Variants in NPFFR1 observed in about 807,000 individuals in gnomAD.
The protein encoded by NPFFR1 is G-protein coupled receptor 147.
A neutral mutation model predicts 12.7 loss-of-function variants in NPFFR1; 17 were observed. The observed-to-expected ratio is 1.34, with a 90% CI of 0.92 to 2.01. The LOEUF is 2.01. Among genes scored for constraint, NPFFR1 ranks in the 30% most tolerant of loss-of-function variants. The pLI is 0.00. For synonymous variants in NPFFR1, 296 were observed against 264.5 expected (o/e 1.12, Z -1.16); for missense variants, 604 against 606.5 (o/e 1.00, Z 0.04).
Position 70,260,639 on chromosome 10 carries a change from C to A in NPFFR1, c.422+1G>T, listed in dbSNP as rs764987613. 6.2e-7 allele frequency: 1 copy of A among 1,606,840 alleles called. No homozygotes were observed. Among genetic ancestry groups the A allele is most frequent in the Admixed American group, 1.7e-5 (1 of 58,860 alleles). On this transcript the variant is annotated splice_donor_variant, in intron 3 of 3. Transcript: ENST00000277942. LOFTEE classifies it high-confidence loss of function. ...CATAATCCAGCCAGGAAACCTCTCA[C>A]CTTTCCACAGCAATGGCCACCAGTG...
intron 1 of NPFFR1, 130 bp from the exon 2 acceptor site, chr10:70,266,521 C>T: frequency 1.4e-6 from 1 of 718,460 alleles, no homozygotes; most frequent in Non-Finnish European, 2.3e-6. Flanking sequence ...TCCCCAGCTC[C>T]AGTTGCAACT....
At chr10:70,268,101 AC>A (rs1237419339) in intron 1 of NPFFR1, among the ~76,000 whole-genome samples, 1 of 151,942 alleles carries the variant, frequency 6.6e-6, no homozygotes, top group African/African-American at 2.4e-5. Context: ...CATATAAAGA[AC>A]CCCCATGTAT....
chr10:70,273,647 C>G (rs1327907234), intron 1 of NPFFR1, among the ~76,000 whole-genome samples: 1 of 152,112 alleles, frequency 6.6e-6, no homozygotes, highest in Admixed American at 6.5e-5. Flanking sequence ...TTTGAGGGAC[C>G]GTCCATCAGG....
At chr10:70,280,730 G>C (rs10999237) in intron 1 of NPFFR1, among the ~76,000 whole-genome samples, 48,815 of 152,050 alleles carry the variant, frequency 0.32, 8,635 homozygotes, top group South Asian at 0.47. Flanking sequence ...TAGGCTGGGC[G>C]TAGTGGCTCA....
Position 70,283,810 on chromosome 10 carries a change from G to T in NPFFR1, c.-134C>A. The T allele has an allele frequency of 7.1e-6, 7 of 987,156 alleles. No individual in the cohort carries two copies. Among genetic ancestry groups the T allele is most frequent in the Non-Finnish European group, 1.1e-5 (7 of 664,498 alleles). 61.1% of individuals were successfully genotyped at this position (987,156 alleles called of 1,614,324 possible). On this transcript the variant is annotated 5_prime_UTR_variant, in exon 1 of 4. Coordinates refer to ENST00000277942, the MANE Select transcript of NPFFR1 (RefSeq NM_022146.5). ...CCCTGCCTCCGCGCTCCGCAGGTCC[G>T]GTCGGTCCGGGCAGAGGTGAGCAGG...
intron 2 of NPFFR1, among the ~76,000 whole-genome samples, chr10:70,262,714 A>G (rs1222760348): frequency 6.6e-6 from 1 of 152,248 alleles, no homozygotes; most frequent in Non-Finnish European, 1.5e-5. Context: ...GTCTGAACTC[A>G]TGTTAATACA....
chr10:70,270,452 C>T lies in NPFFR1; in HGVS notation c.8-4061G>A, dbSNP rs118067435. Among the ~76,000 whole-genome samples, 9 of 152,318 alleles carry T rather than the reference C, an allele frequency of 5.9e-5. No homozygotes were observed. The East Asian group carries it at 1.7e-3, about 29-fold the overall frequency. ...GGTATGGATGGGCAGAGGAAACTGC[C>T]AGAACCTTTCAGGCTAGACTCCAGT... On this transcript the variant is annotated intron_variant, in intron 1 of 3. Transcript: ENST00000277942.
rs565020614 is a variant in NPFFR1, at chr10:70,253,130, C to T, written c.*1827G>A. On this transcript the variant is annotated 3_prime_UTR_variant, in exon 4 of 4. Coordinates refer to ENST00000277942, the MANE Select transcript of NPFFR1 (RefSeq NM_022146.5). Reference sequence around the variant, plus strand: ...TACCACTGAGGGGCAGGAGGGCATACTCTCTCTCAGACCCTCATCCATCAC... The same window carrying T: ...TACCACTGAGGGGCAGGAGGGCATATTCTCTCTCAGACCCTCATCCATCAC... The T allele has an allele frequency of 1.3e-5, 2 of 152,424 alleles. No homozygotes were observed. Among genetic ancestry groups the T allele is most frequent in the Admixed American group, 6.5e-5 (1 of 15,298 alleles). 9.4% of individuals were successfully genotyped at this position (152,424 alleles called of 1,614,324 possible). A position where few individuals can be genotyped will look rare whatever the true frequency, so the allele number is the denominator to read the frequency against.
chr10:70,272,792 A>C (rs1157291266), intron 1 of NPFFR1, among the ~76,000 whole-genome samples: 1 of 152,210 alleles, frequency 6.6e-6, no homozygotes, highest in African/African-American at 2.4e-5. Context: ...ACCCGCCCCC[A>C]GATCCAGCCA....
chr10:70,277,804 C>T (rs1449291962), intron 1 of NPFFR1, among the ~76,000 whole-genome samples: 2 of 152,174 alleles, frequency 1.3e-5, no homozygotes, highest in Non-Finnish European at 2.9e-5. Flanking sequence ...TGCCCTTCTG[C>T]TGACTTGTCC....
rs150787746 is a variant in NPFFR1 at position 70,251,030 on chromosome 10, T to TAG, written c.*3925_*3926dup. 1 of 152,166 alleles carries TAG rather than the reference T, an allele frequency of 6.6e-6. No homozygotes were observed. Among genetic ancestry groups the TAG allele is most frequent in the Non-Finnish European group, 1.5e-5 (1 of 68,030 alleles). 9.4% of individuals were successfully genotyped at this position (152,166 alleles called of 1,614,324 possible). On this transcript the variant is annotated 3_prime_UTR_variant, in exon 4 of 4. Coordinates refer to ENST00000277942, the MANE Select transcript of NPFFR1 (RefSeq NM_022146.5). ...CCACAATGATTATGTAGAGCTTTTGTAGAGAGAGAGAAAAACAACAATAAA... is the reference window on the plus strand; with the variant it reads ...CCACAATGATTATGTAGAGCTTTTGTAGAGAGAGAGAGAAAAACAACAATAAA...
At chr10:70,256,746 G>A (rs149933781) in intron 3 of NPFFR1, among the ~76,000 whole-genome samples, 69 of 152,270 alleles carry the variant, frequency 4.5e-4, no homozygotes, top group Admixed American at 4.3e-3. Flanking sequence ...TAAGCAGTTG[G>A]CTCAAGTTCA....
At chr10:70,261,524 G>A (rs1366658861) in intron 2 of NPFFR1, among the ~76,000 whole-genome samples, 6 of 152,090 alleles carry the variant, frequency 3.9e-5, no homozygotes, top group Admixed American at 2.6e-4. Flanking sequence ...AACCCATGTT[G>A]TTCAAGGGTC....
At chr10:70,264,606 A>T (rs1258175958) in intron 2 of NPFFR1, among the ~76,000 whole-genome samples, 1 of 152,162 alleles carries the variant, frequency 6.6e-6, no homozygotes, top group Non-Finnish European at 1.5e-5. Flanking sequence ...TACATGGTAT[A>T]TTTTTAAGTG....
At chr10:70,259,265 C>G (rs373567417) in intron 3 of NPFFR1, among the ~76,000 whole-genome samples, 29 of 145,852 alleles carry the variant, frequency 2.0e-4, no homozygotes, top group African/African-American at 7.2e-4. Flanking sequence ...GCCTGGGTGA[C>G]AGAGCAAGAC....
chr10:70,269,457 C>T (rs567447921), intron 1 of NPFFR1, among the ~76,000 whole-genome samples: 5 of 151,974 alleles, frequency 3.3e-5, no homozygotes, highest in African/African-American at 1.2e-4. Flanking sequence ...GTGCCATCAG[C>T]TTTTAACATA....
chr10:70,283,600 C>G, intron 1 of NPFFR1, 70 bp downstream of exon 1: 2 of 1,434,870 alleles, frequency 1.4e-6, no homozygotes, highest in Non-Finnish European at 1.9e-6. Flanking sequence ...GCCCTCTCCT[C>G]TCCCTTCGCC....
chr10:70,273,318 C>T (rs935950746), intron 1 of NPFFR1, among the ~76,000 whole-genome samples: 1 of 152,200 alleles, frequency 6.6e-6, no homozygotes, highest in Non-Finnish European at 1.5e-5. Context: ...CCCCTGCCCT[C>T]CCGCCACTCA....
intron 1 of NPFFR1, among the ~76,000 whole-genome samples, chr10:70,279,435 C>G (rs544132940): frequency 6.6e-6 from 1 of 152,180 alleles, no homozygotes; most frequent in East Asian, 1.9e-4. Flanking sequence ...GCGTGAGCCA[C>G]TGCACCCAAA....
Sources: allele counts gnomAD v4.1 joint callset (sites outside exome capture counted in the v4.1 genomes callset), GRCh38; gene constraint gnomAD v4.1.1; transcripts MANE v1.5; gene names NCBI Gene and HGNC (gene_info 2026-07-23, HGNC 2026-07-21).